The following JAKMIP1 variants were observed in gnomAD, a reference collection of about 807,000 sequenced individuals.
JAKMIP1 encodes the protein janus kinase and microtubule-interacting protein 1.
A neutral mutation model predicts 113.0 loss-of-function variants in JAKMIP1; 33 were observed. The ratio of observed to expected loss-of-function variants is 0.29; its 90% confidence interval spans 0.22 to 0.39. The LOEUF is 0.39. Among genes scored for constraint, JAKMIP1 ranks in the 10% least tolerant of loss-of-function variants. The pLI, the probability that JAKMIP1 is intolerant of heterozygous loss-of-function variation, is 1.00. For missense variants in JAKMIP1, 813 were observed against 1,080.5 expected (o/e 0.75, Z 3.47); for synonymous variants, 480 against 459.9 (o/e 1.04, Z -0.56).
chr4:6,087,176 T>A lies in JAKMIP1; in HGVS notation c.625-1547A>T, dbSNP rs375566926. On this transcript the variant is annotated intron_variant, in intron 3 of 20. Coordinates refer to ENST00000409021, the MANE Select transcript of JAKMIP1 (RefSeq NM_001099433.2). Reference sequence around the variant, plus strand: ...CTTACTTCTAAATCATAAACCTTGATTTCAGACACAGACTGCCACAGCAGA... The same window carrying A: ...CTTACTTCTAAATCATAAACCTTGAATTCAGACACAGACTGCCACAGCAGA... 6.6e-5 allele frequency among the ~76,000 whole-genome samples: 10 copies of A among 152,312 alleles called. No homozygotes were observed. In the South Asian group the frequency reaches 1.2e-3, roughly 19 times the overall value.
intron 1 of JAKMIP1, among the ~76,000 whole-genome samples, chr4:6,189,979 G>A (rs1275497208): frequency 6.6e-6 from 1 of 152,210 alleles, no homozygotes; most frequent in Non-Finnish European, 1.5e-5. Flanking sequence ...CAAAATCAGA[G>A]GAGAGAAGAA....
At chr4:6,112,594 C>T (rs1461691079) in intron 2 of JAKMIP1, 128 bp downstream of exon 2, 5 of 1,113,132 alleles carry the variant, frequency 4.5e-6, no homozygotes, top group African/African-American at 3.0e-5. Flanking sequence ...GACAGCAGGG[C>T]AGAGAGGTGA....
intron 1 of JAKMIP1, among the ~76,000 whole-genome samples, chr4:6,165,648 A>C (rs1723532741): frequency 1.3e-5 from 2 of 152,228 alleles, no homozygotes; most frequent in African/African-American, 4.8e-5. Flanking sequence ...TTTAGACATA[A>C]TGCTATTGTA....
At chr4:6,146,938 C>G (rs140438607) in intron 1 of JAKMIP1, among the ~76,000 whole-genome samples, 3 of 152,262 alleles carry the variant, frequency 2.0e-5, no homozygotes, top group African/African-American at 7.2e-5. Flanking sequence ...GAAATACAAT[C>G]ACTTATGAGC....
rs138148772 is a variant in JAKMIP1, at chr4:6,031,535, G to C, written c.2380-1754C>G. ...CAAGAGGGGAAAGGAATTCCAGGCA[G>C]AGGGAACGGCATGTGCAGGAGGCCA... On this transcript the variant is annotated intron_variant, in intron 19 of 20. Transcript: ENST00000409021. The surrounding 1 kb of genome is among the most constrained non-coding windows in gnomAD (Gnocchi z 4.4). Among the ~76,000 whole-genome samples, 1 of 152,202 alleles carries C rather than the reference G, an allele frequency of 6.6e-6. No individual in the cohort carries two copies.
Position 6,117,523 on chromosome 4 carries a change from G to A in JAKMIP1, c.-147-4526C>T, listed in dbSNP as rs554683925. On this transcript the variant is annotated intron_variant, in intron 1 of 20. Coordinates refer to ENST00000409021, the MANE Select transcript of JAKMIP1 (RefSeq NM_001099433.2). ...ATCACAGGACCACAGGACCAGGACC[G>A]AAGTGAAATTAAAATTGCTAATGAA... Among the ~76,000 whole-genome samples, 115 of 152,132 alleles carry A rather than the reference G, an allele frequency of 7.6e-4. 1 individual carries two copies. The highest frequency in any genetic ancestry group is 2.4e-3 in the African/African-American group (100 of 41,438).
chr4:6,095,275 A>G (rs944614390), intron 3 of JAKMIP1, among the ~76,000 whole-genome samples: 32 of 134,128 alleles, frequency 2.4e-4, no homozygotes, highest in Non-Finnish European at 5.0e-4. Context: ...GAAGAAAGGA[A>G]GGAAGGGAGG....
intron 1 of JAKMIP1, among the ~76,000 whole-genome samples, chr4:6,121,566 T>C (rs2108909483): frequency 6.6e-6 from 1 of 152,342 alleles, no homozygotes; most frequent in Admixed American, 6.5e-5. Flanking sequence ...TAGAGAAGTG[T>C]ACGCCATCAC....
intron 11 of JAKMIP1, 65 bp from the exon 12 acceptor site, chr4:6,056,824 T>A (rs1716537139): frequency 1.8e-6 from 2 of 1,119,544 alleles, no homozygotes; most frequent in Admixed American, 3.4e-5. Context: ...TAACAAACTT[T>A]TAGTGAGAAA....
chr4:6,131,388 C>T (rs932766581), intron 1 of JAKMIP1, among the ~76,000 whole-genome samples: 1 of 148,624 alleles, frequency 6.7e-6, no homozygotes, highest in Non-Finnish European at 1.5e-5. Context: ...AAAACAAAAC[C>T]CTACACTTAG....
At position 6,072,649 on chromosome 4, in the gene JAKMIP1, A is replaced by G. The variant is rs553216757; in HGVS notation, c.1302+6290T>C. 4.6e-5 allele frequency among the ~76,000 whole-genome samples: 7 copies of G among 152,352 alleles called. No homozygotes were observed. In the South Asian group the frequency reaches 1.4e-3, roughly 32 times the overall value. On this transcript the variant is annotated intron_variant, in intron 8 of 20. Coordinates refer to ENST00000409021, the MANE Select transcript of JAKMIP1 (RefSeq NM_001099433.2). ...CTCTCTGAGTGCAGGGCACTGTGCCAGCAGCTTCGAGTAGCTGGATCCCAG... is the reference window on the plus strand; with the variant it reads ...CTCTCTGAGTGCAGGGCACTGTGCCGGCAGCTTCGAGTAGCTGGATCCCAG...
Position 6,112,923 on chromosome 4 carries a change from C to A in JAKMIP1, c.-73G>T. ...CACGCACGCCAGCCAGCAGGCGTGG[C>A]TACCAGCTCCACCGTGCTAACCAGT... On this transcript the variant is annotated 5_prime_UTR_variant, in exon 2 of 21. Transcript: ENST00000409021. 2 of 1,561,384 alleles carry A rather than the reference C, an allele frequency of 1.3e-6. No individual in the cohort carries two copies. Among genetic ancestry groups the A allele is most frequent in the East Asian group, 2.3e-5 (1 of 43,732 alleles).
chr4:6,160,124 AAAG>A (rs1469032582), intron 1 of JAKMIP1, among the ~76,000 whole-genome samples: 2 of 152,210 alleles, frequency 1.3e-5, no homozygotes, highest in Non-Finnish European at 1.5e-5. Flanking sequence ...GGAAAGTAAA[AAAG>A]AACTGAGGAA....
chr4:6,177,085 C>T (rs533066673), intron 1 of JAKMIP1, among the ~76,000 whole-genome samples: 7 of 152,274 alleles, frequency 4.6e-5, no homozygotes, highest in Non-Finnish European at 8.8e-5. Context: ...TTGTCATGAG[C>T]AGTGACCATG....
At chr4:6,123,667 A>G (rs1374689566) in intron 1 of JAKMIP1, among the ~76,000 whole-genome samples, 1 of 152,158 alleles carries the variant, frequency 6.6e-6, no homozygotes, top group African/African-American at 2.4e-5. Context: ...AAAAAAATGT[A>G]AAAGTTAGCT....
At chr4:6,117,001 C>A (rs1323481399) in intron 1 of JAKMIP1, among the ~76,000 whole-genome samples, 1 of 152,218 alleles carries the variant, frequency 6.6e-6, no homozygotes, top group Non-Finnish European at 1.5e-5. Context: ...GCTCCTTGTT[C>A]AAAATTATTA....
At chr4:6,159,592 T>A (rs1722659036) in intron 1 of JAKMIP1, among the ~76,000 whole-genome samples, 1 of 152,192 alleles carries the variant, frequency 6.6e-6, no homozygotes, top group African/African-American at 2.4e-5. Flanking sequence ...ACAGACAAGA[T>A]GTTCAGCCTG....
intron 3 of JAKMIP1, among the ~76,000 whole-genome samples, chr4:6,092,458 C>G (rs55782166): frequency 0.088 from 13,375 of 152,334 alleles, 801 homozygotes; most frequent in Non-Finnish European, 0.12. Context: ...CATGGCCACA[C>G]CCCCTTCCTG....
At chr4:6,098,525 A>G (rs1238850479) in intron 3 of JAKMIP1, among the ~76,000 whole-genome samples, 1 of 65,926 alleles carries the variant, frequency 1.5e-5, no homozygotes, top group East Asian at 1.5e-3. Flanking sequence ...GAAGGAAGAA[A>G]GAGAGAGAGA....
Sources: allele counts gnomAD v4.1 joint callset (sites outside exome capture counted in the v4.1 genomes callset), GRCh38; gene constraint gnomAD v4.1.1; non-coding constraint Gnocchi (gnomAD v3.1); transcripts MANE v1.5; gene names NCBI Gene and HGNC (gene_info 2026-07-23, HGNC 2026-07-21).